TAFA1: variants seen among roughly 807,000 people sequenced by gnomAD.
TAFA1 encodes the protein chemokine-like protein TAFA-1.
In TAFA1, 4 loss-of-function variants were observed where a neutral mutation model predicts 18.5. That is an observed-to-expected ratio of 0.22 (90% CI 0.11 to 0.49). TAFA1 has a LOEUF of 0.49. TAFA1 is among the 20% of genes least tolerant of loss of function. The pLI is 0.98. For synonymous variants in TAFA1, 56 were observed against 55.2 expected, an observed-to-expected ratio of 1.01 and a Z score of -0.06; for missense variants, 147 against 169.0, an observed-to-expected ratio of 0.87 and a Z score of 0.72.
intron 3 of TAFA1, among the ~76,000 whole-genome samples, chr3:68,461,909 G>A (rs748189292): frequency 5.9e-5 from 9 of 152,104 alleles, no homozygotes; most frequent in Non-Finnish European, 1.2e-4. Context: ...CACTCCTGGA[G>A]CTGTTGTCTG....
At chr3:68,160,894 TACACTCAATGGATAATGGTCCAC>T (rs2065917699) in intron 2 of TAFA1, among the ~76,000 whole-genome samples, 1 of 152,170 alleles carries the variant, frequency 6.6e-6, no homozygotes, top group Admixed American at 6.5e-5. Flanking sequence ...TTTCTGACCA[TACACTCAATGGATAATGGTCCAC>T]ACACTCAATG....
intron 2 of TAFA1, among the ~76,000 whole-genome samples, chr3:68,388,209 G>C (rs1380678222): frequency 6.6e-6 from 1 of 152,096 alleles, no homozygotes. Context: ...AGTTTTAGGG[G>C]ACATGGCATT....
intron 2 of TAFA1, among the ~76,000 whole-genome samples, chr3:68,075,897 A>G (rs1470861539): frequency 1.3e-5 from 2 of 152,092 alleles, no homozygotes; most frequent in Non-Finnish European, 2.9e-5. Context: ...GGGTTTCACC[A>G]TGTTTCCCAG....
intron 2 of TAFA1, among the ~76,000 whole-genome samples, chr3:68,288,556 A>G (rs72926568): frequency 0.038 from 5,752 of 152,240 alleles, 357 homozygotes; most frequent in African/African-American, 0.13. Flanking sequence ...CCACATTTTT[A>G]ATGATGTCTA....
intron 2 of TAFA1, among the ~76,000 whole-genome samples, chr3:68,209,903 C>T (rs149520736): frequency 1.6e-4 from 25 of 151,946 alleles, no homozygotes; most frequent in East Asian, 5.9e-4. Flanking sequence ...ATGTGGAGCC[C>T]GTAGTAGCTG....
chr3:68,295,074 C>A (rs1201023886), intron 2 of TAFA1, among the ~76,000 whole-genome samples: 5 of 152,142 alleles, frequency 3.3e-5, no homozygotes, highest in Non-Finnish European at 2.9e-5. Flanking sequence ...GTTCTCTAAG[C>A]CTCAGTTTTG....
intron 2 of TAFA1, among the ~76,000 whole-genome samples, chr3:68,253,555 T>C (rs1429263770): frequency 6.6e-6 from 1 of 152,196 alleles, no homozygotes; most frequent in African/African-American, 2.4e-5. Context: ...TTTGCATTGC[T>C]GTTTAACTGT....
rs1438865835 is a variant in TAFA1 at position 68,486,072 on chromosome 3, TTTTTATTTTA to T, written c.260-52664_260-52655del. Among the ~76,000 whole-genome samples, 7 of 127,594 alleles carry T rather than the reference TTTTTATTTTA, an allele frequency of 5.5e-5. 1 individual carries two copies. The South Asian group carries it at 9.8e-4, about 18-fold the overall frequency. 83.7% of individuals were successfully genotyped at this position (127,594 alleles called of 152,430 possible). A position where few individuals can be genotyped will look rare whatever the true frequency, so the allele number is the denominator to read the frequency against. ...GCCTCCATTCCTGGCTAAATTTTTATTTTTATTTTATTTTATTTTATTTTATTTTGTTTTA... is the reference window on the plus strand; with the variant it reads ...GCCTCCATTCCTGGCTAAATTTTTATTTTTATTTTATTTTATTTTGTTTTA... On this transcript the variant is annotated intron_variant, in intron 3 of 4. Coordinates refer to ENST00000478136, the MANE Select transcript of TAFA1 (RefSeq NM_213609.4).
intron 3 of TAFA1, among the ~76,000 whole-genome samples, chr3:68,425,698 G>C (rs2071039215): frequency 6.6e-6 from 1 of 151,988 alleles, no homozygotes; most frequent in African/African-American, 2.4e-5. Flanking sequence ...AATAAAGACA[G>C]CTGGAATTCA....
At chr3:68,417,190 T>G (rs17047663) in intron 2 of TAFA1, 90 bp from the exon 3 acceptor site, 1 of 1,039,254 alleles carries the variant, frequency 9.6e-7, no homozygotes, top group African/African-American at 1.6e-5. Flanking sequence ...TTTCAATTAC[T>G]TTCCTCAACC....
chr3:68,201,228 G>A (rs984383253), intron 2 of TAFA1, among the ~76,000 whole-genome samples: 2 of 151,570 alleles, frequency 1.3e-5, no homozygotes, highest in African/African-American at 4.8e-5. Context: ...TAATTTCATT[G>A]TGATCTGAGA....
At chr3:68,513,142 C>T (rs1014209806) in intron 3 of TAFA1, among the ~76,000 whole-genome samples, 1 of 152,098 alleles carries the variant, frequency 6.6e-6, no homozygotes, top group Non-Finnish European at 1.5e-5. Flanking sequence ...TTCCACTTTT[C>T]ATCCACAGGT....
At chr3:68,436,816 G>A (rs1272415422) in intron 3 of TAFA1, among the ~76,000 whole-genome samples, 1 of 152,084 alleles carries the variant, frequency 6.6e-6, no homozygotes, top group Admixed American at 6.6e-5. Flanking sequence ...ATAACCCCTG[G>A]CACTCAGGAA....
chr3:68,463,414 CA>C (rs1161991796), intron 3 of TAFA1, among the ~76,000 whole-genome samples: 1 of 152,092 alleles, frequency 6.6e-6, no homozygotes, highest in Non-Finnish European at 1.5e-5. Context: ...AGGTTTTCAT[CA>C]AAAAGTTTTA....
intron 2 of TAFA1, among the ~76,000 whole-genome samples, chr3:68,273,915 A>T (rs2067731605): frequency 6.6e-6 from 1 of 152,114 alleles, no homozygotes; most frequent in Admixed American, 6.6e-5. Context: ...GTATGTCAAC[A>T]TTTTATTCTA....
intron 2 of TAFA1, among the ~76,000 whole-genome samples, chr3:68,065,285 G>A (rs1412580806): frequency 6.6e-6 from 1 of 152,080 alleles, no homozygotes; most frequent in Non-Finnish European, 1.5e-5. Flanking sequence ...TGTTTTACTT[G>A]GGATTTTCCA....
chr3:68,477,761 A>G (rs891932775), intron 3 of TAFA1, among the ~76,000 whole-genome samples: 16 of 152,178 alleles, frequency 1.1e-4, no homozygotes, highest in Non-Finnish European at 2.2e-4. Flanking sequence ...CTGAAAATAT[A>G]TATTTTTCAG....
chr3:68,312,157 A>G (rs1253447283), intron 2 of TAFA1, among the ~76,000 whole-genome samples: 1 of 152,206 alleles, frequency 6.6e-6, no homozygotes, highest in South Asian at 2.1e-4. Flanking sequence ...TGCACACAGC[A>G]CGGGGATCCT....
intron 3 of TAFA1, among the ~76,000 whole-genome samples, chr3:68,469,172 A>T (rs967996801): frequency 6.6e-6 from 1 of 151,508 alleles, no homozygotes; most frequent in Non-Finnish European, 1.5e-5. Flanking sequence ...AAAACATTTT[A>T]TAAATATAAA....
Sources: gnomAD v4.1 joint callset for allele counts (sites outside exome capture counted in the v4.1 genomes callset) on GRCh38, gnomAD v4.1.1 for gene constraint, MANE v1.5 for transcripts, NCBI Gene and HGNC (gene_info 2026-07-23, HGNC 2026-07-21) for gene names.